Variants in RANBP2 observed in about 807,000 individuals in gnomAD.
The protein encoded by RANBP2 is E3 SUMO-protein ligase RanBP2.
In RANBP2, 57 loss-of-function variants were observed where a neutral mutation model predicts 303.6. That is an observed-to-expected ratio of 0.19 (90% CI 0.15 to 0.23). RANBP2 has a LOEUF of 0.23. RANBP2 is among the 10% of genes least tolerant of loss of function. The pLI, the probability that RANBP2 is intolerant of heterozygous loss-of-function variation, is 1.00. For synonymous variants in RANBP2, 1,167 were observed against 1,301.5 expected (o/e 0.90, Z 2.23); for missense variants, 3,138 against 3,780.8 (o/e 0.83, Z 4.46).
rs1419637044 is a variant in RANBP2, at chr2:108,740,568, C to T, written c.862C>T (p.His288Tyr). The T allele has an allele frequency of 6.3e-7, 1 of 1,597,514 alleles. No homozygotes were observed. The highest frequency in any genetic ancestry group is 8.5e-7 in the Non-Finnish European group (1 of 1,179,778). Residue 288 changes from histidine to tyrosine, a missense_variant, in exon 7 of 29, where the codon CAT (histidine) becomes TAT (tyrosine). Physicochemically the swap from His to Tyr is moderately conservative, Grantham distance 83. Coordinates refer to ENST00000283195, the MANE Select transcript of RANBP2 (RefSeq NM_006267.5). The part of the protein sequence containing the change: ...LSATFLEMKG[H>Y]FYMHAGSLLL... ...AGCTACTTTCTTAGAAATGAAAGGA[C>T]ATTTCTACATGCATGCTGGTTCTCT...
chr2:109,337,257 G>A, the RANBP2 span, among the ~76,000 whole-genome samples: 1 of 152,100 alleles, frequency 6.6e-6, no homozygotes, highest in Non-Finnish European at 1.5e-5. Context: ...AAGAGCTTGG[G>A]CTCCCTTGGT....
At chr2:109,109,668 T>C in the RANBP2 span, among the ~76,000 whole-genome samples, 2 of 152,342 alleles carry the variant, frequency 1.3e-5, no homozygotes, top group South Asian at 4.1e-4. Context: ...CATCATACTT[T>C]ACAGGCAAAA....
the RANBP2 span, among the ~76,000 whole-genome samples, chr2:109,600,995 GA>G: frequency 5.5e-3 from 838 of 152,342 alleles, 11 homozygotes; most frequent in South Asian, 0.056. Flanking sequence ...CCCCATGGAG[GA>G]GGGTATGCCA....
At chr2:109,653,660 T>A in the RANBP2 span, among the ~76,000 whole-genome samples, 1 of 152,268 alleles carries the variant, frequency 6.6e-6, no homozygotes, top group East Asian at 1.9e-4. Flanking sequence ...GGGTGTGACA[T>A]AGGTGGTGGG....
the RANBP2 span, among the ~76,000 whole-genome samples, chr2:109,356,889 A>G: frequency 1.3e-5 from 2 of 152,090 alleles, no homozygotes; most frequent in Non-Finnish European, 2.9e-5. Context: ...CTCACTTCCC[A>G]GGCTGAGCCA....
At chr2:109,236,351 C>T in the RANBP2 span, among the ~76,000 whole-genome samples, 1 of 152,214 alleles carries the variant, frequency 6.6e-6, no homozygotes, top group East Asian at 1.9e-4. Flanking sequence ...CCAGAGTGTG[C>T]GAGCATCCCA....
chr2:109,530,676 G>A, the RANBP2 span, among the ~76,000 whole-genome samples: 1 of 152,336 alleles, frequency 6.6e-6, no homozygotes, highest in Non-Finnish European at 1.5e-5. Flanking sequence ...TCTGTGTGCT[G>A]TTCAGTTTCT....
chr2:109,218,597 A>T, the RANBP2 span, among the ~76,000 whole-genome samples: 1 of 152,004 alleles, frequency 6.6e-6, no homozygotes, highest in African/African-American at 2.4e-5. Context: ...CAGCCTCATC[A>T]CCTCTCCTCT....
chr2:109,540,603 T>C, the RANBP2 span, among the ~76,000 whole-genome samples: 1 of 149,850 alleles, frequency 6.7e-6, no homozygotes, highest in East Asian at 2.0e-4. Context: ...GGTGGGAGGA[T>C]CACTTGAGGC....
the RANBP2 span, among the ~76,000 whole-genome samples, chr2:108,946,641 G>A: frequency 6.6e-6 from 1 of 152,176 alleles, no homozygotes; most frequent in Non-Finnish European, 1.5e-5. Context: ...AGAAGGCAAA[G>A]GGGAGGCAAA....
chr2:109,359,254 G>A, the RANBP2 span, among the ~76,000 whole-genome samples: 1 of 152,092 alleles, frequency 6.6e-6, no homozygotes, highest in African/African-American at 2.4e-5. Context: ...GGCTCTTCTA[G>A]GTCTCTTGCC....
the RANBP2 span, among the ~76,000 whole-genome samples, chr2:109,493,944 G>GTC: frequency 6.6e-6 from 1 of 152,052 alleles, no homozygotes. Flanking sequence ...CTCCTAAGGA[G>GTC]TCTCCTCCGC....
the RANBP2 span, among the ~76,000 whole-genome samples, chr2:109,119,729 C>A: frequency 1.3e-5 from 2 of 152,106 alleles, no homozygotes; most frequent in East Asian, 3.9e-4. Flanking sequence ...TATTATAATT[C>A]TTTTGAAGAC....
At chr2:109,538,549 C>T in the RANBP2 span, among the ~76,000 whole-genome samples, 2 of 152,250 alleles carry the variant, frequency 1.3e-5, no homozygotes, top group African/African-American at 4.8e-5. Flanking sequence ...GACAGTCTCA[C>T]TCTGTCGTCC....
the RANBP2 span, among the ~76,000 whole-genome samples, chr2:109,266,791 C>T: frequency 5.3e-5 from 8 of 152,142 alleles, no homozygotes; most frequent in African/African-American, 1.4e-4. Flanking sequence ...CCCACTCGCA[C>T]ATGCATGAGA....
the RANBP2 span, among the ~76,000 whole-genome samples, chr2:109,015,955 T>C: frequency 6.6e-6 from 1 of 152,194 alleles, no homozygotes. Flanking sequence ...CCCCACTTCA[T>C]GCTGTTCAAG....
chr2:109,146,738 CT>C, the RANBP2 span, among the ~76,000 whole-genome samples: 2 of 151,974 alleles, frequency 1.3e-5, no homozygotes, highest in African/African-American at 4.8e-5. Context: ...ATCTGAGTAT[CT>C]TTTTTTACAA....
the RANBP2 span, among the ~76,000 whole-genome samples, chr2:108,971,008 T>C: frequency 6.6e-6 from 1 of 152,166 alleles, no homozygotes; most frequent in African/African-American, 2.4e-5. Context: ...TGCTGTGTCC[T>C]GCTGTGGACC....
chr2:109,696,339 A>G, the RANBP2 span, among the ~76,000 whole-genome samples: 1 of 152,236 alleles, frequency 6.6e-6, no homozygotes, highest in African/African-American at 2.4e-5. Flanking sequence ...TCTATGATCT[A>G]TTTCAAATTA....
Sources: allele counts gnomAD v4.1 joint callset (sites outside exome capture counted in the v4.1 genomes callset), GRCh38; gene constraint gnomAD v4.1.1; transcripts MANE v1.5; gene names NCBI Gene and HGNC (gene_info 2026-07-23, HGNC 2026-07-21).